The following LHFPL2 variants were observed in gnomAD, a reference collection of about 807,000 sequenced individuals.
LHFPL2 encodes LHFPL tetraspan subfamily member 2 protein.
In LHFPL2, 7 loss-of-function variants were observed where a neutral mutation model predicts 17.5. That is an observed-to-expected ratio of 0.40 (90% CI 0.23 to 0.75). The LOEUF (loss-of-function observed/expected upper bound fraction) is 0.75. Ranked by LOEUF, LHFPL2 falls within the 30% of genes least tolerant of loss-of-function variation. The pLI, the probability that LHFPL2 is intolerant of heterozygous loss-of-function variation, is 0.37. For missense variants in LHFPL2, 241 were observed against 294.8 expected (o/e 0.82, Z 1.34); for synonymous variants, 134 against 116.2 (o/e 1.15, Z -0.99).
intron 4 of LHFPL2, among the ~76,000 whole-genome samples, chr5:78,493,475 G>C (rs1213202924): frequency 6.6e-6 from 1 of 152,174 alleles, no homozygotes; most frequent in Non-Finnish European, 1.5e-5. Context: ...CTCCATCCTT[G>C]ACTTTATGCT....
At position 78,509,221 on chromosome 5, in the gene LHFPL2, T is replaced by C. The variant is rs149868991; in HGVS notation, c.430+563A>G. Among the ~76,000 whole-genome samples, 1,387 of 152,328 alleles carry C rather than the reference T, an allele frequency of 9.1e-3. 16 individuals carry two copies. Among genetic ancestry groups the C allele is most frequent in the African/African-American group, 0.03 (1,262 of 41,560 alleles). ...CTGTCAGGCTCTAGGAGACAGACAA[T>C]TTAAACCAGAACATCACTAAACACA... On this transcript the variant is annotated intron_variant, in intron 4 of 4. Transcript: ENST00000380345.
intron 3 of LHFPL2, among the ~76,000 whole-genome samples, chr5:78,511,794 TGC>T (rs755225388): frequency 1.3e-5 from 2 of 152,170 alleles, no homozygotes; most frequent in Non-Finnish European, 2.9e-5. Context: ...TCATGGTAGT[TGC>T]TATACAAGAT....
At chr5:78,570,677 T>C (rs1756977473) in intron 2 of LHFPL2, among the ~76,000 whole-genome samples, 1 of 150,120 alleles carries the variant, frequency 6.7e-6, no homozygotes, top group African/African-American at 2.4e-5. Flanking sequence ...TATGATCATT[T>C]TGCAAGACAG....
At position 78,541,616 on chromosome 5, in the gene LHFPL2, G is replaced by A. The variant is rs527569351; in HGVS notation, c.-186+23197C>T. On this transcript the variant is annotated intron_variant, in intron 3 of 4. Coordinates refer to ENST00000380345, the MANE Select transcript of LHFPL2 (RefSeq NM_005779.3). ...GGGGTCCCTTTCATAAACTCTTGCA[G>A]TGAGGTGTGTGACCAGCCTGCCACC... Among the ~76,000 whole-genome samples the A allele has an allele frequency of 2.6e-5, 4 of 152,322 alleles. No homozygotes were observed. The South Asian group carries it at 8.3e-4, about 32-fold the overall frequency.
chr5:78,527,187 A>C (rs1755643453), intron 3 of LHFPL2, among the ~76,000 whole-genome samples: 1 of 152,080 alleles, frequency 6.6e-6, no homozygotes, highest in Admixed American at 6.5e-5. Flanking sequence ...GAGCAGTGTG[A>C]GTGACTAAGT....
chr5:78,596,295 T>C (rs541697594), intron 2 of LHFPL2, among the ~76,000 whole-genome samples: 44 of 152,280 alleles, frequency 2.9e-4, no homozygotes, highest in African/African-American at 9.9e-4. Flanking sequence ...TCCCAAAAGA[T>C]TGGACTTGCA....
chr5:78,629,548 T>G (rs1352000896), intron 2 of LHFPL2, among the ~76,000 whole-genome samples: 1 of 152,240 alleles, frequency 6.6e-6, no homozygotes, highest in Non-Finnish European at 1.5e-5. Flanking sequence ...TTGCTTCCTC[T>G]TTAAGGAACT....
At position 78,519,426 on chromosome 5, in the gene LHFPL2, C is replaced by T. The variant is rs909057633; in HGVS notation, c.-185-9028G>A. Among the ~76,000 whole-genome samples the T allele has an allele frequency of 4.6e-5, 7 of 152,222 alleles. No individual in the cohort carries two copies. In the South Asian group the frequency reaches 6.2e-4, roughly 14 times the overall value. On this transcript the variant is annotated intron_variant, in intron 3 of 4. Transcript: ENST00000380345. The stretch of plus-strand genomic sequence containing the variant: ...CAACAGCCAGAATCTGCCTCTGGGG[C>T]GGGATCTGTCAGGCTTCAGGAAGGG...
intron 2 of LHFPL2, among the ~76,000 whole-genome samples, chr5:78,620,776 G>A (rs572916609): frequency 1.7e-3 from 254 of 152,286 alleles, no homozygotes; most frequent in African/African-American, 5.9e-3. Context: ...ACCCTGTGCT[G>A]GGGCGCCCGC....
At chr5:78,540,784 C>T (rs1022603211) in intron 3 of LHFPL2, among the ~76,000 whole-genome samples, 8 of 152,212 alleles carry the variant, frequency 5.3e-5, no homozygotes, top group South Asian at 2.1e-4. Flanking sequence ...CTTATTGAAG[C>T]GGCTCTCTGG....
chr5:78,607,637 C>G (rs145414006), intron 2 of LHFPL2, among the ~76,000 whole-genome samples: 14 of 152,256 alleles, frequency 9.2e-5, no homozygotes, highest in Non-Finnish European at 1.9e-4. Flanking sequence ...CTGGCTCTTC[C>G]CTGTAGTTAC....
intron 2 of LHFPL2, among the ~76,000 whole-genome samples, chr5:78,605,558 T>C (rs777612341): frequency 2.0e-5 from 3 of 152,176 alleles, no homozygotes; most frequent in Non-Finnish European, 4.4e-5. Flanking sequence ...TTGAACTGGA[T>C]AGAATGTACA....
At position 78,510,292 on chromosome 5, in the gene LHFPL2, G is replaced by T; in HGVS notation, c.-79C>A. 1 of 1,377,456 alleles carries T rather than the reference G, an allele frequency of 7.3e-7. No individual in the cohort carries two copies. Among genetic ancestry groups the T allele is most frequent in the Non-Finnish European group, 9.7e-7 (1 of 1,025,866 alleles). The allele number at this position is 1,377,456 out of a possible 1,614,324, so 85.3% of individuals were successfully genotyped here. A position where few individuals can be genotyped will look rare whatever the true frequency, so the allele number is the denominator to read the frequency against. On this transcript the variant is annotated 5_prime_UTR_variant, in exon 4 of 5. Coordinates refer to ENST00000380345, the MANE Select transcript of LHFPL2 (RefSeq NM_005779.3). The stretch of plus-strand genomic sequence containing the variant: ...AGAAAGTCGGTGGGGAAGGAGGCTC[G>T]GGCGGCCCGGGAAGGAAGTCGCAGC...
intron 4 of LHFPL2, among the ~76,000 whole-genome samples, chr5:78,502,494 G>A (rs959858568): frequency 9.8e-5 from 15 of 152,298 alleles, no homozygotes; most frequent in East Asian, 1.9e-4. Flanking sequence ...CTTCACATTC[G>A]GGGTGAGAAG....
At chr5:78,542,323 C>T (rs1756137643) in intron 3 of LHFPL2, among the ~76,000 whole-genome samples, 1 of 152,138 alleles carries the variant, frequency 6.6e-6, no homozygotes. Context: ...ATCAAAGAAG[C>T]CCACTCTTAC....
At chr5:78,621,046 C>A (rs1207542302) in intron 2 of LHFPL2, among the ~76,000 whole-genome samples, 1 of 151,204 alleles carries the variant, frequency 6.6e-6, no homozygotes, top group Non-Finnish European at 1.5e-5. Context: ...CGGCTCACTG[C>A]AACCTCTGCC....
chr5:78,629,929 T>C (rs1376220527), intron 2 of LHFPL2, among the ~76,000 whole-genome samples: 1 of 152,186 alleles, frequency 6.6e-6, no homozygotes, highest in Non-Finnish European at 1.5e-5. Context: ...ATAGTAAACA[T>C]TTCACTGAAT....
chr5:78,604,196 G>A (rs1744129074), intron 2 of LHFPL2, among the ~76,000 whole-genome samples: 1 of 152,172 alleles, frequency 6.6e-6, no homozygotes, highest in South Asian at 2.1e-4. Context: ...AGCAAAGTCA[G>A]GCCGGGCATG....
chr5:78,514,918 T>A (rs1755246027), intron 3 of LHFPL2, among the ~76,000 whole-genome samples: 1 of 152,224 alleles, frequency 6.6e-6, no homozygotes, highest in African/African-American at 2.4e-5. Context: ...ATTCAACATT[T>A]GTTAACATTT....
Sources: allele counts gnomAD v4.1 joint callset (sites outside exome capture counted in the v4.1 genomes callset), GRCh38; gene constraint gnomAD v4.1.1; transcripts MANE v1.5; gene names NCBI Gene and HGNC (gene_info 2026-07-23, HGNC 2026-07-21).